Variants in KIAA1549 observed in about 807,000 individuals in gnomAD.
KIAA1549 encodes KIAA1549.
A neutral mutation model predicts 156.4 loss-of-function variants in KIAA1549; 70 were observed. The ratio of observed to expected loss-of-function variants is 0.45; its 90% CI spans 0.37 to 0.55. KIAA1549 has a LOEUF of 0.55. Ranked by LOEUF, KIAA1549 falls within the 20% of genes least tolerant of loss-of-function variation. The probability of loss-of-function intolerance (pLI) is 0.00; values close to 1 mark genes in which losing one functional copy is unlikely to be tolerated. For synonymous variants in KIAA1549, 1,103 were observed against 1,066.4 expected, an observed-to-expected ratio of 1.03 and a Z score of -0.67; for missense variants, 2,428 against 2,540.9, an observed-to-expected ratio of 0.96 and a Z score of 0.96.
chr7:138,871,069 G>A, intron 13 of KIAA1549, 88 bp downstream of exon 13: 1 of 1,249,588 alleles, frequency 8.0e-7, no homozygotes, highest in African/African-American at 1.5e-5. Flanking sequence ...TGCCTGCCTT[G>A]GCCCCCCCAA....
intron 10 of KIAA1549, among the ~76,000 whole-genome samples, chr7:138,883,139 G>A (rs570918849): frequency 1.4e-5 from 2 of 147,688 alleles, no homozygotes; most frequent in Non-Finnish European, 3.0e-5. Flanking sequence ...ATGGTATGGT[G>A]GTGCACACCT....
chr7:138,868,793 G>A (rs993208185), intron 14 of KIAA1549, among the ~76,000 whole-genome samples: 2 of 152,208 alleles, frequency 1.3e-5, no homozygotes, highest in African/African-American at 4.8e-5. Context: ...GGAAGCAGGT[G>A]CCAGGGGCAG....
At chr7:138,892,133 G>A (rs1811564047) in intron 10 of KIAA1549, among the ~76,000 whole-genome samples, 2 of 152,146 alleles carry the variant, frequency 1.3e-5, no homozygotes, top group Admixed American at 1.3e-4. Flanking sequence ...TTGCAGCCCT[G>A]AAGGAAAAAG....
At chr7:138,859,878 C>T (rs1046272101) in intron 16 of KIAA1549, among the ~76,000 whole-genome samples, 4 of 152,192 alleles carry the variant, frequency 2.6e-5, no homozygotes, top group Non-Finnish European at 4.4e-5. Flanking sequence ...TACTTCCCAC[C>T]ACCAGGAACA....
At chr7:138,915,239 T>C (rs1812283982) in intron 2 of KIAA1549, among the ~76,000 whole-genome samples, 1 of 152,164 alleles carries the variant, frequency 6.6e-6, no homozygotes, top group African/African-American at 2.4e-5. Context: ...AACCCGTCTC[T>C]GATTATCCCA....
Position 138,878,939 on chromosome 7 carries a change from C to T in KIAA1549, c.4345+599G>A, listed in dbSNP as rs57912500. 4.8e-3 allele frequency among the ~76,000 whole-genome samples: 736 copies of T among 152,244 alleles called. 3 individuals are homozygous for T. The highest frequency in any genetic ancestry group is 0.017 in the African/African-American group (702 of 41,550). ...CTTGCTATCACTCCAAAAAAATGCT[C>T]CCAAGTCTAAAGACTTGTGGGTCTC... On this transcript the variant is annotated intron_variant, in intron 12 of 19. Coordinates refer to ENST00000422774, the MANE Select transcript of KIAA1549 (RefSeq NM_001164665.2).
rs1201752539 is a variant in KIAA1549 at position 138,883,089 on chromosome 7, TAA to T, written c.4033-1507_4033-1506del. Among the ~76,000 whole-genome samples, 18 of 47,062 alleles carry T rather than the reference TAA, an allele frequency of 3.8e-4. 3 individuals are homozygous for T. The highest frequency in any genetic ancestry group is 8.9e-4 in the Admixed American group (3 of 3,376). 30.9% of individuals were successfully genotyped at this position (47,062 alleles called of 152,430 possible). On this transcript the variant is annotated intron_variant, in intron 10 of 19. Coordinates refer to ENST00000422774, the MANE Select transcript of KIAA1549 (RefSeq NM_001164665.2). ...CAACATGGTGAAACCCCATCTCCCCTAAAAAAAAAAAAAAAAAAAAAAAAAAA... is the reference window on the plus strand; with the variant it reads ...CAACATGGTGAAACCCCATCTCCCCTAAAAAAAAAAAAAAAAAAAAAAAAA...
chr7:138,902,978 A>G (rs1194907999), intron 8 of KIAA1549, among the ~76,000 whole-genome samples: 3 of 152,128 alleles, frequency 2.0e-5, no homozygotes, highest in Admixed American at 6.6e-5. Flanking sequence ...GGTGATGTTC[A>G]CTTTATTCTT....
rs1302717314 is a variant in KIAA1549, at chr7:138,899,132, C to T, written c.3670G>A (p.Val1224Met). The T allele has an allele frequency of 2.5e-6, 4 of 1,613,474 alleles. No individual in the cohort carries two copies. In the South Asian group the frequency reaches 4.4e-5, roughly 18 times the overall value. ...CCCTCCAGCCTCGACACATTTACCA[C>T]CTGAAAGATAGCAGAAACCATTCAC... ...TVAAGNSVVQ[V>M]VNVSRLEGDD... The change falls in exon 9 of 20, where the codon GTG (valine) becomes ATG (methionine). Residue 1224 changes from valine to methionine, a missense_variant and splice_region_variant. By Grantham distance (21) the Val-to-Met change is conservative (BLOSUM62 1). Transcript: ENST00000422774.
rs909871353 is a variant in KIAA1549 at position 138,834,984 on chromosome 7, A to C, written c.*2922T>G. The C allele has an allele frequency of 4.4e-6, 1 of 228,910 alleles. No individual in the cohort carries two copies. The highest frequency in any genetic ancestry group is 2.2e-5 in the African/African-American group (1 of 45,040). 14.2% of individuals were successfully genotyped at this position (228,910 alleles called of 1,614,324 possible). The stretch of plus-strand genomic sequence containing the variant: ...CAAAGTAGTCTCTGAAAAAAAAAAA[A>C]ACAACATTTCTCCAAACATTCTGAC... On this transcript the variant is annotated 3_prime_UTR_variant, in exon 20 of 20. Transcript: ENST00000422774.
intron 1 of KIAA1549, among the ~76,000 whole-genome samples, chr7:138,960,287 T>TTTTA (rs1356727367): frequency 0.028 from 2,565 of 90,254 alleles, 34 homozygotes; most frequent in Non-Finnish European, 0.036. Flanking sequence ...ATAAATTTTA[T>TTTTA]TTTATTGATT....
chr7:138,981,218 G>A lies in KIAA1549; in HGVS notation c.52C>T (p.Arg18Cys), dbSNP rs1311170771. The part of the protein sequence containing the change: ...RRGAAMEGKP[R>C]AGVALAPGPS... ...CCCGGGGCCAGCGCGACCCCGGCGC[G>A]GGGCTTCCCCTCCATGGCCGCGCCT... The change falls in exon 1 of 20, where the codon CGC (arginine) becomes TGC (cysteine). Residue 18 changes from arginine to cysteine, a missense_variant. By Grantham distance (180) the Arg-to-Cys change is radical. Transcript: ENST00000422774. The surrounding 1 kb of genome is among the most constrained non-coding windows in gnomAD (Gnocchi z 4.5). 3 of 1,010,114 alleles carry A rather than the reference G, an allele frequency of 3.0e-6. No homozygotes were observed. The highest frequency in any genetic ancestry group is 1.7e-5 in the African/African-American group (1 of 57,364). 62.6% of individuals were successfully genotyped at this position (1,010,114 alleles called of 1,614,324 possible).
chr7:138,923,990 A>C (rs756571604), intron 1 of KIAA1549, among the ~76,000 whole-genome samples: 2 of 152,214 alleles, frequency 1.3e-5, no homozygotes, highest in Non-Finnish European at 2.9e-5. Context: ...AAATAATACA[A>C]AGATTTTTTA....
In KIAA1549 at chr7:138,910,554, T is replaced by C. The variant is rs1182891857; in HGVS notation, c.3145+592A>G. Among the ~76,000 whole-genome samples the C allele has an allele frequency of 2.0e-5, 3 of 151,952 alleles. No homozygotes were observed. In the East Asian group the frequency reaches 5.8e-4, roughly 29 times the overall value. On this transcript the variant is annotated intron_variant, in intron 4 of 19. Coordinates refer to ENST00000422774, the MANE Select transcript of KIAA1549 (RefSeq NM_001164665.2). ...CTGGGATTACAGGCGTATGCCACCA[T>C]ATCTGGCTAATTTTTGTATTTTTAG...
chr7:138,915,124 C>T (rs1177400558), intron 2 of KIAA1549, among the ~76,000 whole-genome samples: 1 of 152,214 alleles, frequency 6.6e-6, no homozygotes, highest in Non-Finnish European at 1.5e-5. Context: ...TGCCTAATCT[C>T]CAGCCATGAT....
chr7:138,951,168 C>T (rs1000634611), intron 1 of KIAA1549, among the ~76,000 whole-genome samples: 6 of 152,078 alleles, frequency 3.9e-5, no homozygotes. Flanking sequence ...CCAGGTCAAG[C>T]GATTCTCCTG....
At chr7:138,946,479 A>T (rs964184695) in intron 1 of KIAA1549, among the ~76,000 whole-genome samples, 1 of 151,842 alleles carries the variant, frequency 6.6e-6, no homozygotes, top group African/African-American at 2.4e-5. Flanking sequence ...CTAAAACAGA[A>T]TTTTTTTTTA....
At chr7:138,977,655 AAC>A (rs10625706) in intron 1 of KIAA1549, among the ~76,000 whole-genome samples, 1,491 of 146,530 alleles carry the variant, frequency 0.01, 11 homozygotes, top group Non-Finnish European at 0.011. Flanking sequence ...TACTCAAGAA[AAC>A]ACACACACAC....
chr7:138,903,842 TGTGTGTGTGTGC>T lies in KIAA1549; in HGVS notation c.3521-118_3521-107del, dbSNP rs878976618. On this transcript the variant is annotated intron_variant, in intron 7 of 19. Coordinates refer to ENST00000422774, the MANE Select transcript of KIAA1549 (RefSeq NM_001164665.2). ...GTGTGTGTGTGTGTGTGTGTGTGTG[TGTGTGTGTGTGC>T]GCGCGCGCGCGCGCGCACATATGTA... is the stretch of plus-strand genomic sequence containing the variant. 5.6e-3 allele frequency: 2,577 copies of T among 461,640 alleles called. 5 individuals carry two copies. The highest frequency in any genetic ancestry group is 9.9e-3 in the African/African-American group (213 of 21,492). 28.6% of individuals were successfully genotyped at this position (461,640 alleles called of 1,614,324 possible). A position where few individuals can be genotyped will look rare whatever the true frequency, so the allele number is the denominator to read the frequency against.
Sources: allele counts gnomAD v4.1 joint callset (sites outside exome capture counted in the v4.1 genomes callset), GRCh38; gene constraint gnomAD v4.1.1; non-coding constraint Gnocchi (gnomAD v3.1); transcripts MANE v1.5; gene names NCBI Gene and HGNC (gene_info 2026-07-23, HGNC 2026-07-21).